The following C7 variants were observed in gnomAD, a reference collection of about 807,000 sequenced individuals.
C7 encodes complement C7.
A neutral mutation model predicts 104.8 loss-of-function variants in C7; 83 were observed. The observed-to-expected ratio is 0.79, with a 90% CI of 0.66 to 0.95. The LOEUF (loss-of-function observed/expected upper bound fraction) is 0.95. Among genes scored for constraint, C7 ranks in the 40% least tolerant of loss-of-function variants. The probability of loss-of-function intolerance (pLI) is 0.00; values close to 1 mark genes in which losing one functional copy is unlikely to be tolerated. For missense variants in C7, 1,070 were observed against 1,011.2 expected (o/e 1.06, Z -0.79); for synonymous variants, 415 against 360.6 (o/e 1.15, Z -1.71).
At chr5:40,934,049 ATT>A (rs35211171) in intron 3 of C7, among the ~76,000 whole-genome samples, 35 of 139,324 alleles carry the variant, frequency 2.5e-4, no homozygotes, top group Admixed American at 7.3e-4. Context: ...CACTAACATC[ATT>A]TTTTTTTTTT....
intron 9 of C7, among the ~76,000 whole-genome samples, chr5:40,953,639 C>A (rs1259632380): frequency 4.4e-3 from 461 of 104,000 alleles, no homozygotes; most frequent in South Asian, 6.9e-3. Context: ...GACTCTGTCT[C>A]AAAAAAAAAA....
chr5:40,926,600 C>T (rs1739559465), intron 1 of C7, among the ~76,000 whole-genome samples: 1 of 152,144 alleles, frequency 6.6e-6, no homozygotes, highest in African/African-American at 2.4e-5. Flanking sequence ...CTAAAAAGTA[C>T]ATTTCCATAA....
At chr5:40,976,930 G>A (rs907880259) in intron 16 of C7, 90 bp downstream of exon 16, 2 of 996,866 alleles carry the variant, frequency 2.0e-6, no homozygotes, top group African/African-American at 3.3e-5. Flanking sequence ...GATGGAAGGT[G>A]TAGCTTACCA....
Position 40,928,603 on chromosome 5 carries a change from G to A in C7, c.30G>A (p.Val10=), listed in dbSNP as rs1341553759. MKVISLFIL[V]GFIGEFQSFS... is the part of the protein sequence containing the mutation. Reference sequence around the variant, plus strand: ...AGGTGATAAGCTTATTCATTTTGGTGGGATTTATAGGAGAGTTCCAAAGTT... The same window carrying A: ...AGGTGATAAGCTTATTCATTTTGGTAGGATTTATAGGAGAGTTCCAAAGTT... The change falls in exon 2 of 18, where the codon GTG becomes GTA. Residue 10 remains valine, a synonymous_variant. Transcript: ENST00000313164. 9 of 1,550,180 alleles carry A rather than the reference G, an allele frequency of 5.8e-6. No individual in the cohort carries two copies. The South Asian group carries it at 8.5e-5, about 15-fold the overall frequency.
chr5:40,958,101 G>A lies in C7; in HGVS notation c.1329G>A (p.Trp443Ter). The change falls in exon 11 of 18, where the codon TGG becomes TGA. Residue 443 changes from tryptophan to a stop codon, truncating the protein, a stop_gained. Coordinates refer to ENST00000313164, the MANE Select transcript of C7 (RefSeq NM_000587.4). LOFTEE classifies it high-confidence loss of function. ...CASVKKLYLK[W>*]ALEEYLDEFD... ...CTGTGAAAAAACTATACCTGAAATG[G>A]GCTCTTGAAGAGTATCTGGATGAAT... is the stretch of plus-strand genomic sequence containing the variant. 3.1e-6 allele frequency: 5 copies of A among 1,613,720 alleles called. No individual in the cohort carries two copies. Among genetic ancestry groups the A allele is most frequent in the Non-Finnish European group, 4.2e-6 (5 of 1,179,756 alleles).
At chr5:40,978,455 T>C (rs958846946) in intron 16 of C7, among the ~76,000 whole-genome samples, 2 of 152,218 alleles carry the variant, frequency 1.3e-5, no homozygotes, top group East Asian at 1.9e-4. Context: ...TTAATAGTTA[T>C]GGTATACATT....
At chr5:40,914,130 G>GT (rs1442334729) in intron 1 of C7, among the ~76,000 whole-genome samples, 4 of 152,010 alleles carry the variant, frequency 2.6e-5, no homozygotes, top group Admixed American at 2.6e-4. Flanking sequence ...CATTCAGCCA[G>GT]TTTTTTTACT....
chr5:40,962,607 T>A (rs1366244842), intron 13 of C7, among the ~76,000 whole-genome samples: 2 of 152,346 alleles, frequency 1.3e-5, no homozygotes, highest in East Asian at 3.9e-4. Context: ...GACAGTTAGC[T>A]AGAGTCTAGT....
At chr5:40,972,664 A>G in intron 15 of C7, 70 bp downstream of exon 15, 2 of 1,256,746 alleles carry the variant, frequency 1.6e-6, no homozygotes, top group Non-Finnish European at 1.1e-6. Context: ...GGCGACCTTC[A>G]TGGTACTGTA....
chr5:40,930,968 C>A (rs1482756805), intron 2 of C7, 96 bp from the exon 3 acceptor site: 2 of 826,908 alleles, frequency 2.4e-6, no homozygotes, highest in Non-Finnish European at 2.0e-6. Flanking sequence ...ATATTTGAGG[C>A]AACATTTAAC....
In C7 at chr5:40,981,503, G is replaced by A; in HGVS notation, c.2462G>A (p.Gly821Asp). 6.2e-7 allele frequency: 1 copy of A among 1,613,820 alleles called. No homozygotes were observed. ...CAGACGATGTCTGAGTGTGAGGCGG[G>A]CGCTCTGAGATGCAGAGGGCAGAGC... The part of the protein sequence containing the change: ...KEQTMSECEA[G>D]ALRCRGQSIS... The change falls in exon 18 of 18, where the codon GGC (glycine) becomes GAC (aspartate). Residue 821 changes from glycine to aspartate, a missense_variant. Transcript: ENST00000313164.
At chr5:40,976,935 T>C (rs113503145) in intron 16 of C7, 95 bp downstream of exon 16, 20 of 932,744 alleles carry the variant, frequency 2.1e-5, no homozygotes, top group African/African-American at 2.0e-4. Context: ...AAGGTGTAGC[T>C]TACCAAGAGT....
rs1165348724 is a variant in C7, at chr5:40,928,596, T to G, written c.23T>G (p.Ile8Ser). Residue 8 changes from isoleucine (I) to serine (S), a missense_variant, in exon 2 of 18, where the codon ATT becomes AGT. Transcript: ENST00000313164. MKVISLF[I>S]LVGFIGEFQS... ...CTTCTCCAGGTGATAAGCTTATTCA[T>G]TTTGGTGGGATTTATAGGAGAGTTC... 6.5e-7 allele frequency: 1 copy of G among 1,547,956 alleles called. No homozygotes were observed. The highest frequency in any genetic ancestry group is 8.8e-7 in the Non-Finnish European group (1 of 1,141,106).
rs763528127 is a variant in C7 at position 40,979,713 on chromosome 5, A to T, written c.2166-12A>T. On this transcript the variant is annotated splice_polypyrimidine_tract_variant and intron_variant, in intron 16 of 17. Transcript: ENST00000313164. ...AAATCTTGTAAATAATGTCATTAAA[A>T]ATTCTTTTCAGACCTTCCTTGGATG... is the stretch of plus-strand genomic sequence containing the variant. 3 of 1,598,166 alleles carry T rather than the reference A, an allele frequency of 1.9e-6. No individual in the cohort carries two copies. The highest frequency in any genetic ancestry group is 2.3e-5 in the South Asian group (2 of 88,660).
At chr5:40,915,125 A>T (rs1442638366) in intron 1 of C7, among the ~76,000 whole-genome samples, 2 of 152,238 alleles carry the variant, frequency 1.3e-5, no homozygotes, top group Non-Finnish European at 2.9e-5. Context: ...CAGTGGCTAC[A>T]GAGTAGTAGG....
chr5:40,968,600 ATTTTTTTT>A (rs70988826), intron 14 of C7, among the ~76,000 whole-genome samples: 2 of 25,498 alleles, frequency 7.8e-5, no homozygotes, highest in Non-Finnish European at 7.1e-5. Context: ...ATATATATAT[ATTTTTTTT>A]TTTTTTTTTT....
intron 17 of C7, among the ~76,000 whole-genome samples, chr5:40,980,531 A>T (rs1740920224): frequency 6.6e-6 from 1 of 152,266 alleles, no homozygotes; most frequent in Admixed American, 6.5e-5. Context: ...TGCTAACACT[A>T]TGTTTAAGTA....
At position 40,959,484 on chromosome 5, in the gene C7, T is replaced by A. The variant is rs1383866864; in HGVS notation, c.1525T>A (p.Trp509Arg). The A allele has an allele frequency of 6.2e-7, 1 of 1,611,324 alleles. No homozygotes were observed. The highest frequency in any genetic ancestry group is 2.2e-5 in the East Asian group (1 of 44,862). The change falls in exon 12 of 18, where the codon TGG becomes AGG. Residue 509 changes from tryptophan (W) to arginine (R), a missense_variant. Transcript: ENST00000313164. ...TGGAGGTTGGAGTTGCTGGTCCTCT[T>A]GGAGCCCCTGTGTCCAAGGGAAGAA... is the stretch of plus-strand genomic sequence containing the variant. Reference protein sequence around the residue: ...VDGGWSCWSSWSPCVQGKKTR... With the variant: ...VDGGWSCWSSRSPCVQGKKTR...
chr5:40,947,097 ATTTTTTT>A (rs70988819), intron 7 of C7, among the ~76,000 whole-genome samples: 1 of 127,196 alleles, frequency 7.9e-6, no homozygotes, highest in African/African-American at 2.9e-5. Flanking sequence ...CATTACTCAG[ATTTTTTT>A]TTTTTTTTTT....
Sources: allele counts gnomAD v4.1 joint callset (sites outside exome capture counted in the v4.1 genomes callset), GRCh38; gene constraint gnomAD v4.1.1; transcripts MANE v1.5; gene names NCBI Gene and HGNC (gene_info 2026-07-23, HGNC 2026-07-21).